The following ANKRD17 variants were observed in gnomAD, a reference collection of about 807,000 sequenced individuals.
ANKRD17 encodes ankyrin repeat domain 17.
Under a neutral mutation model 229.7 loss-of-function variants are expected in ANKRD17, and 19 were observed. The observed-to-expected ratio is 0.08, with a 90% CI of 0.06 to 0.12. The LOEUF is 0.12. Among genes scored for constraint, ANKRD17 ranks in the 10% least tolerant of loss-of-function variants. The pLI is 1.00. For missense variants in ANKRD17, 2,176 were observed against 3,176.8 expected, an observed-to-expected ratio of 0.68 and a Z score of 7.57; for synonymous variants, 1,112 against 1,146.1, an observed-to-expected ratio of 0.97 and a Z score of 0.60.
chr4:73,169,772 G>A (rs2148955591), intron 2 of ANKRD17, among the ~76,000 whole-genome samples: 1 of 152,344 alleles, frequency 6.6e-6, no homozygotes, highest in South Asian at 2.1e-4. Context: ...AAGACGGAGA[G>A]CATAGCAACT....
chr4:73,217,677 A>G (rs1741261587), intron 1 of ANKRD17, among the ~76,000 whole-genome samples: 1 of 152,118 alleles, frequency 6.6e-6, no homozygotes, highest in Non-Finnish European at 1.5e-5. Flanking sequence ...AAGATCAGTA[A>G]TTTTTTGAGC....
At chr4:73,206,345 C>T (rs1240513888) in intron 1 of ANKRD17, among the ~76,000 whole-genome samples, 1 of 148,590 alleles carries the variant, frequency 6.7e-6, no homozygotes. Flanking sequence ...ACCGGAGTAT[C>T]CATCAATGGA....
intron 1 of ANKRD17, among the ~76,000 whole-genome samples, chr4:73,192,604 T>C (rs1197839131): frequency 2.0e-5 from 3 of 152,026 alleles, no homozygotes; most frequent in African/African-American, 7.2e-5. Flanking sequence ...AAACAATTAA[T>C]GAGAAAAAAC....
At chr4:73,156,752 G>A (rs1322571258) in intron 3 of ANKRD17, among the ~76,000 whole-genome samples, 4 of 152,174 alleles carry the variant, frequency 2.6e-5, no homozygotes, top group South Asian at 2.1e-4. Flanking sequence ...TAAGTTTTCT[G>A]AGACCTCCTC....
chr4:73,240,458 CAAA>C (rs34164034), intron 1 of ANKRD17, among the ~76,000 whole-genome samples: 4 of 114,844 alleles, frequency 3.5e-5, no homozygotes, highest in African/African-American at 7.0e-5. Context: ...ACTATCTCTA[CAAA>C]AAAAAAAAAA....
At chr4:73,100,241 G>T (rs939472262) in intron 25 of ANKRD17, among the ~76,000 whole-genome samples, 13 of 152,124 alleles carry the variant, frequency 8.5e-5, no homozygotes, top group African/African-American at 3.1e-4. Context: ...TGGGGAAGAG[G>T]GGCTGGCACA....
intron 16 of ANKRD17, 38 bp from the exon 17 acceptor site, chr4:73,125,350 C>A: frequency 7.2e-7 from 1 of 1,383,494 alleles, no homozygotes; most frequent in Admixed American, 1.9e-5. Flanking sequence ...TATTAAATAA[C>A]TTAAGATGTT....
At chr4:73,248,903 T>A (rs1744738953) in intron 1 of ANKRD17, among the ~76,000 whole-genome samples, 1 of 151,940 alleles carries the variant, frequency 6.6e-6, no homozygotes, top group Admixed American at 6.6e-5. Flanking sequence ...CTAGAGGCTT[T>A]GAAACAAGAC....
chr4:73,152,981 T>C (rs1731198801), intron 6 of ANKRD17, among the ~76,000 whole-genome samples: 2 of 152,190 alleles, frequency 1.3e-5, no homozygotes, highest in Non-Finnish European at 2.9e-5. Context: ...TTTTCATGTT[T>C]ATAAATGAAA....
chr4:73,087,608 A>G (rs1262848669), intron 29 of ANKRD17, among the ~76,000 whole-genome samples: 1 of 152,214 alleles, frequency 6.6e-6, no homozygotes, highest in African/African-American at 2.4e-5. Flanking sequence ...ATCTTGATTG[A>G]GTCTTGGATC....
rs750003580 is a variant in ANKRD17, at chr4:73,147,257, T to C, written c.1743A>G (p.Lys581=). 6.4e-7 allele frequency: 1 copy of C among 1,559,722 alleles called. No individual in the cohort carries two copies. The highest frequency in any genetic ancestry group is 8.7e-7 in the Non-Finnish European group (1 of 1,156,008). ...AAQEGHLELV[K]YLLAAGANVH... is the part of the protein sequence containing the mutation. ...AATGCCTACCTGCAGCTAATAAGTA[T>C]TTAACTAACTCCAAATGACCCTCTT... Residue 581 remains lysine (K), a synonymous_variant, in exon 9 of 34, where the codon AAA becomes AAG. Transcript: ENST00000358602.
chr4:73,090,107 T>C (rs1159868646), intron 29 of ANKRD17, among the ~76,000 whole-genome samples: 1 of 152,086 alleles, frequency 6.6e-6, no homozygotes, highest in African/African-American at 2.4e-5. Context: ...GAAAGACTTC[T>C]GAGAGAGAAA....
chr4:73,250,340 A>G (rs1419825821), intron 1 of ANKRD17, among the ~76,000 whole-genome samples: 3 of 151,986 alleles, frequency 2.0e-5, no homozygotes, highest in Admixed American at 2.0e-4. Flanking sequence ...AGTAGCTCAC[A>G]TCTGCAAGCC....
In ANKRD17 at chr4:73,135,012, C is replaced by T. The variant is rs565028182; in HGVS notation, c.3234+105G>A. The T allele has an allele frequency of 2.0e-5, 23 of 1,179,310 alleles. No homozygotes were observed. The South Asian group carries it at 3.5e-4, about 18-fold the overall frequency. The allele number at this position is 1,179,310 out of a possible 1,614,324, so 73.1% of individuals were successfully genotyped here. On this transcript the variant is annotated intron_variant, in intron 16 of 33. Transcript: ENST00000358602. ...ATTTAAAACTGGCTCAAGACTTTGC[C>T]TAGAGACAAAGCAGTCTTTCATGGT... is the stretch of plus-strand genomic sequence containing the variant.
intron 1 of ANKRD17, among the ~76,000 whole-genome samples, chr4:73,197,676 T>A (rs1055119531): frequency 3.3e-5 from 5 of 151,550 alleles, no homozygotes; most frequent in African/African-American, 1.2e-4. Context: ...TTAAAAAAAT[T>A]TTTTTTTTAA....
At chr4:73,086,919 A>AAAAAAAAAAT (rs1553911000) in intron 29 of ANKRD17, among the ~76,000 whole-genome samples, 3 of 12,464 alleles carry the variant, frequency 2.4e-4, no homozygotes, top group African/African-American at 7.8e-4. Context: ...AAAAAAAAAA[A>AAAAAAAAAAT]ATATATATAT....
At chr4:73,103,501 A>C (rs886356768) in intron 24 of ANKRD17, among the ~76,000 whole-genome samples, 4 of 152,190 alleles carry the variant, frequency 2.6e-5, no homozygotes, top group Non-Finnish European at 5.9e-5. Context: ...TATCTTAATA[A>C]ACTATTTTAA....
chr4:73,140,181 T>C lies in ANKRD17; in HGVS notation c.2435A>G (p.Gln812Arg). ...QSPESIVEEA[Q>R]GKLTELEQRI... The stretch of plus-strand genomic sequence containing the variant: ...CTGTTCCAGTTCTGTTAACTTTCCC[T>C]GAGCCTCTTCTACAATGCTCTCTGG... Residue 812 changes from glutamine (Q) to arginine (R), a missense_variant, in exon 15 of 34, where the codon CAG (glutamine) becomes CGG (arginine). Physicochemically the swap from Gln to Arg is conservative, Grantham distance 43. Transcript: ENST00000358602. 1 of 1,614,176 alleles carries C rather than the reference T, an allele frequency of 6.2e-7. No homozygotes were observed. The highest frequency in any genetic ancestry group is 8.5e-7 in the Non-Finnish European group (1 of 1,180,010).
intron 1 of ANKRD17, among the ~76,000 whole-genome samples, chr4:73,232,686 TA>T (rs1743158653): frequency 6.6e-6 from 1 of 152,160 alleles, no homozygotes; most frequent in African/African-American, 2.4e-5. Flanking sequence ...AGAGCAGTAT[TA>T]AACAACTAGG....
Sources: allele counts gnomAD v4.1 joint callset (sites outside exome capture counted in the v4.1 genomes callset), GRCh38; gene constraint gnomAD v4.1.1; transcripts MANE v1.5; gene names NCBI Gene and HGNC (gene_info 2026-07-23, HGNC 2026-07-21).